Variants in TLR3 observed in about 807,000 individuals in gnomAD.
The protein encoded by TLR3 is toll like receptor 3, also known as toll-like receptor 3.
A neutral mutation model predicts 66.4 loss-of-function variants in TLR3; 43 were observed. The observed-to-expected ratio is 0.65, with a 90% CI of 0.51 to 0.83. The LOEUF is 0.83. Among genes scored for constraint, TLR3 ranks in the 40% least tolerant of loss-of-function variants. The pLI, the probability that TLR3 is intolerant of heterozygous loss-of-function variation, is 0.00. For missense variants in TLR3, 982 were observed against 1,044.6 expected (o/e 0.94, Z 0.83); for synonymous variants, 397 against 397.2 (o/e 1.00, Z 0.01).
chr4:186,080,053 G>T (rs943071088), intron 3 of TLR3, among the ~76,000 whole-genome samples: 5 of 152,120 alleles, frequency 3.3e-5, no homozygotes, highest in Non-Finnish European at 2.9e-5. Flanking sequence ...CTGCTCTTTT[G>T]CTTTCTCTCG....
intron 1 of TLR3, among the ~76,000 whole-genome samples, chr4:186,071,484 G>A (rs1327004621): frequency 1.3e-5 from 2 of 152,182 alleles, no homozygotes; most frequent in Non-Finnish European, 2.9e-5. Flanking sequence ...TGGGGAGCTG[G>A]TCCCCAGCAT....
chr4:186,073,204 G>A (rs186807783), intron 1 of TLR3, among the ~76,000 whole-genome samples: 110 of 152,148 alleles, frequency 7.2e-4, no homozygotes, highest in Admixed American at 1.5e-3. Context: ...AATCCGGTGG[G>A]GGAAAGAAGT....
At chr4:186,077,107 C>G (rs1308265156) in intron 2 of TLR3, 47 bp downstream of exon 2, 1 of 1,555,794 alleles carries the variant, frequency 6.4e-7, no homozygotes, top group Non-Finnish European at 8.8e-7. Flanking sequence ...AGTCAGTTAC[C>G]CATCCTTAGA....
chr4:186,081,149 A>G (rs1261263308), intron 3 of TLR3, among the ~76,000 whole-genome samples: 1 of 151,990 alleles, frequency 6.6e-6, no homozygotes, highest in Non-Finnish European at 1.5e-5. Context: ...GGAGACATCA[A>G]TCTTAGCTAC....
At chr4:186,070,927 A>C (rs1263374197) in intron 1 of TLR3, among the ~76,000 whole-genome samples, 3 of 152,146 alleles carry the variant, frequency 2.0e-5, no homozygotes, top group Admixed American at 2.0e-4. Flanking sequence ...GCTGGTGTTG[A>C]GCTCCTGATC....
chr4:186,079,716 C>T (rs191715447), intron 3 of TLR3, among the ~76,000 whole-genome samples: 3 of 152,280 alleles, frequency 2.0e-5, no homozygotes, highest in Admixed American at 6.5e-5. Context: ...CTATCTGGAC[C>T]GGTGGCACAG....
In TLR3 at chr4:186,082,430, A is replaced by C. The variant is rs758651770; in HGVS notation, c.744A>C (p.Thr248=). The C allele has an allele frequency of 1.2e-6, 2 of 1,614,072 alleles. No individual in the cohort carries two copies. The highest frequency in any genetic ancestry group is 2.2e-5 in the South Asian group (2 of 91,078). The change falls in exon 4 of 5, where the codon ACA becomes ACC. Residue 248 remains threonine, a synonymous_variant. Transcript: ENST00000296795. ...TEKLCLELAN[T]SIRNLSLSNS... is the part of the protein sequence containing the mutation. ...AGCTATGTTTGGAATTAGCAAACAC[A>C]AGCATTCGGAATCTGTCTCTGAGTA...
Position 186,073,389 on chromosome 4 carries a change from G to A in TLR3, c.-7-3224G>A, listed in dbSNP as rs60749195. On this transcript the variant is annotated intron_variant, in intron 1 of 4. Transcript: ENST00000296795. ...ATAAAAATTAGCCAGGCATGGTGGCGCGTGCCTGTAGTCCCAGCTACTCGG... is the reference window on the plus strand; with the variant it reads ...ATAAAAATTAGCCAGGCATGGTGGCACGTGCCTGTAGTCCCAGCTACTCGG... Among the ~76,000 whole-genome samples the A allele has an allele frequency of 1.4e-3, 209 of 152,100 alleles. 1 individual carries two copies. Among genetic ancestry groups the A allele is most frequent in the African/African-American group, 4.7e-3 (197 of 41,496 alleles).
At chr4:186,075,051 G>C (rs2099302220) in intron 1 of TLR3, among the ~76,000 whole-genome samples, 1 of 151,870 alleles carries the variant, frequency 6.6e-6, no homozygotes, top group South Asian at 2.1e-4. Context: ...ATTAGTAGAA[G>C]GAGTACACTC....
intron 1 of TLR3, among the ~76,000 whole-genome samples, chr4:186,071,470 C>T (rs556836429): frequency 1.2e-4 from 18 of 152,312 alleles, no homozygotes; most frequent in Non-Finnish European, 1.9e-4. Flanking sequence ...AGAGAGGGGG[C>T]AGGTGGGGAG....
At position 186,086,635 on chromosome 4, in the gene TLR3, C is replaced by T. The variant is rs560382026; in HGVS notation, c.*1762C>T. On this transcript the variant is annotated 3_prime_UTR_variant, in exon 5 of 5. Transcript: ENST00000296795. ...TATAAAATAAAAATCACAACTTCTG[C>T]TTTTCTTATATGCTTTGTGTGTTAT... 5.9e-5 allele frequency: 9 copies of T among 152,304 alleles called. No individual in the cohort carries two copies. The highest frequency in any genetic ancestry group is 1.9e-4 in the East Asian group (1 of 5,194). 9.4% of individuals were successfully genotyped at this position (152,304 alleles called of 1,614,324 possible).
chr4:186,075,291 T>C (rs2099302266), intron 1 of TLR3, among the ~76,000 whole-genome samples: 1 of 152,168 alleles, frequency 6.6e-6, no homozygotes, highest in Non-Finnish European at 1.5e-5. Flanking sequence ...TCAGTTCCAT[T>C]ATGATCTGCA....
At chr4:186,076,124 A>G (rs2099302411) in intron 1 of TLR3, among the ~76,000 whole-genome samples, 1 of 152,258 alleles carries the variant, frequency 6.6e-6, no homozygotes, top group South Asian at 2.1e-4. Flanking sequence ...ATTGCACTCC[A>G]GCCTGGTGAC....
chr4:186,076,021 G>T (rs1484638336), intron 1 of TLR3, among the ~76,000 whole-genome samples: 1 of 152,038 alleles, frequency 6.6e-6, no homozygotes, highest in Non-Finnish European at 1.5e-5. Context: ...AGGTGTGGTG[G>T]CGGGTGCCTG....
chr4:186,076,515 C>A, intron 1 of TLR3, 98 bp from the exon 2 acceptor site: 2 of 1,121,866 alleles, frequency 1.8e-6, no homozygotes, highest in South Asian at 1.3e-5. Context: ...CATACATGGT[C>A]ATATTTTGGT....
Position 186,083,342 on chromosome 4 carries a change from T to C in TLR3, c.1656T>C (p.Gly552=), listed in dbSNP as rs758414785. ...GGCTCTGGAAACACGCAAACCCTGG[T>C]GGTCCCATTTATTTCCTAAAGGGTC... ...LARLWKHANP[G]GPIYFLKGLS... The change falls in exon 4 of 5, where the codon GGT becomes GGC. Residue 552 remains glycine (G), a synonymous_variant. Transcript: ENST00000296795. This position sits in a 1 kb window ranked among gnomAD's most constrained non-coding sequence, Gnocchi z 4.0. 2 of 1,614,090 alleles carry C rather than the reference T, an allele frequency of 1.2e-6. No homozygotes were observed. Among genetic ancestry groups the C allele is most frequent in the Non-Finnish European group, 1.7e-6 (2 of 1,180,042 alleles).
chr4:186,079,629 T>G (rs186963001), intron 3 of TLR3, among the ~76,000 whole-genome samples: 4 of 152,294 alleles, frequency 2.6e-5, no homozygotes, highest in East Asian at 3.9e-4. Context: ...GAAGTCAGCT[T>G]AAATAACTGA....
At chr4:186,082,158 G>T in intron 3 of TLR3, 162 bp from the exon 4 acceptor site, 1 of 659,672 alleles carries the variant, frequency 1.5e-6, no homozygotes, top group South Asian at 2.0e-5. Context: ...TGAGGAGGTG[G>T]AGTTTGCAGT....
At chr4:186,070,968 G>C (rs1195098151) in intron 1 of TLR3, among the ~76,000 whole-genome samples, 1 of 152,184 alleles carries the variant, frequency 6.6e-6, no homozygotes, top group East Asian at 1.9e-4. Context: ...AAAGTGCCGG[G>C]ATTGTGGGGA....
Sources: allele counts gnomAD v4.1 joint callset (sites outside exome capture counted in the v4.1 genomes callset), GRCh38; gene constraint gnomAD v4.1.1; non-coding constraint Gnocchi (gnomAD v3.1); transcripts MANE v1.5; gene names NCBI Gene and HGNC (gene_info 2026-07-23, HGNC 2026-07-21).